Variants in LRRC63 observed in about 807,000 individuals in gnomAD.
The protein encoded by LRRC63 is leucine-rich repeat-containing protein 63.
Under a neutral mutation model 49.5 loss-of-function variants are expected in LRRC63, and 40 were observed. That is an observed-to-expected ratio of 0.81 (90% CI 0.63 to 1.05). LRRC63 has a LOEUF of 1.05. Among genes scored for constraint, LRRC63 ranks in the 50% least tolerant of loss-of-function variants. The pLI, the probability that LRRC63 is intolerant of heterozygous loss-of-function variation, is 0.00. For synonymous variants in LRRC63, 191 were observed against 221.1 expected (o/e 0.86, Z 1.21); for missense variants, 636 against 663.1 (o/e 0.96, Z 0.45).
chr13:46,252,325 T>C (rs1023143745), intron 7 of LRRC63, among the ~76,000 whole-genome samples: 1 of 151,974 alleles, frequency 6.6e-6, no homozygotes, highest in African/African-American at 2.4e-5. Flanking sequence ...CTGAATTAAA[T>C]TGAGTGAAAT....
intron 9 of LRRC63, 126 bp downstream of exon 9, chr13:46,267,098 C>T (rs1438674102): frequency 2.2e-6 from 2 of 890,596 alleles, no homozygotes; most frequent in African/African-American, 1.7e-5. Flanking sequence ...CAAAACCATA[C>T]ACACAATTCT....
Position 46,228,056 on chromosome 13 carries a change from G to A in LRRC63, c.630G>A (p.Met210Ile), listed in dbSNP as rs996740788. The A allele has an allele frequency of 1.3e-5, 20 of 1,550,964 alleles. No individual in the cohort carries two copies. The African/African-American group carries it at 2.5e-4, about 19-fold the overall frequency. ...GCCCTCCACCTATGACTGTATCTAT[G>A]AAACCAGAAGGACAGTGGCCTGAAC... The change falls in exon 3 of 10, where the codon ATG becomes ATA. Residue 210 changes from methionine (M) to isoleucine (I), a missense_variant. Met to Ile is a conservative substitution (Grantham distance 10). Transcript: ENST00000595396.
chr13:46,269,419 A>T (rs886774907), intron 9 of LRRC63, among the ~76,000 whole-genome samples: 1 of 152,166 alleles, frequency 6.6e-6, no homozygotes, highest in African/African-American at 2.4e-5. Context: ...CAGTAGTGAA[A>T]GAATAGACTT....
intron 2 of LRRC63, among the ~76,000 whole-genome samples, chr13:46,219,447 C>T (rs1343320632): frequency 2.0e-5 from 3 of 152,144 alleles, no homozygotes; most frequent in Non-Finnish European, 4.4e-5. Context: ...ATTTTCAGCT[C>T]CATCAGTTCA....
intron 5 of LRRC63, among the ~76,000 whole-genome samples, chr13:46,243,856 A>G (rs188444874): frequency 1.3e-5 from 2 of 152,344 alleles, no homozygotes; most frequent in East Asian, 3.9e-4. Context: ...AACTATTTAA[A>G]CTTATAAACT....
intron 2 of LRRC63, among the ~76,000 whole-genome samples, chr13:46,225,352 C>T (rs949248046): frequency 6.6e-6 from 1 of 152,204 alleles, no homozygotes; most frequent in Non-Finnish European, 1.5e-5. Context: ...CTACTTAGAG[C>T]CTCAGTCAAG....
intron 9 of LRRC63, 94 bp downstream of exon 9, chr13:46,267,066 C>T: frequency 1.5e-5 from 17 of 1,149,854 alleles, no homozygotes; most frequent in Non-Finnish European, 2.0e-5. Context: ...CACTAACATG[C>T]ACACATACTC....
chr13:46,240,076 C>T (rs1350632293), intron 5 of LRRC63, among the ~76,000 whole-genome samples: 1 of 151,992 alleles, frequency 6.6e-6, no homozygotes, highest in Non-Finnish European at 1.5e-5. Context: ...GAAGCATTCC[C>T]CTTAAAAACT....
At chr13:46,267,045 G>A in intron 9 of LRRC63, 73 bp downstream of exon 9, 3 of 1,366,142 alleles carry the variant, frequency 2.2e-6, no homozygotes, top group Non-Finnish European at 2.9e-6. Context: ...TACAGGCTTA[G>A]ATGACAGTGT....
chr13:46,233,084 G>T (rs1398709789), intron 4 of LRRC63, among the ~76,000 whole-genome samples: 2 of 152,098 alleles, frequency 1.3e-5, no homozygotes, highest in Non-Finnish European at 2.9e-5. Flanking sequence ...TAACTTCCGG[G>T]TGTCTTCCAT....
chr13:46,236,096 G>A (rs1460806041), intron 5 of LRRC63, among the ~76,000 whole-genome samples: 1 of 151,654 alleles, frequency 6.6e-6, no homozygotes, highest in Admixed American at 6.6e-5. Context: ...TAGAAAATCG[G>A]TCAATTGAAA....
At chr13:46,251,463 A>G (rs1423992033) in intron 7 of LRRC63, among the ~76,000 whole-genome samples, 2 of 151,868 alleles carry the variant, frequency 1.3e-5, no homozygotes. Flanking sequence ...GGATTTTTCC[A>G]CAGTACATAA....
At chr13:46,263,160 T>A (rs987979011) in intron 8 of LRRC63, among the ~76,000 whole-genome samples, 1 of 134,614 alleles carries the variant, frequency 7.4e-6, no homozygotes, top group African/African-American at 2.9e-5. Flanking sequence ...TGTTCTCTTT[T>A]TAAATTTTTG....
chr13:46,276,828 G>GTGTGTGTATATATATATATA (rs1175818781), exon 10 of LRRC63: 8 of 138,532 alleles, frequency 5.8e-5, no homozygotes, highest in African/African-American at 2.8e-4. Context: ...GTATGTGTGT[G>GTGTGTGTATATATATATATA]TATATATATA....
intron 9 of LRRC63, chr13:46,270,334 G>GT (rs749366508): frequency 1.2e-6 from 1 of 859,836 alleles, no homozygotes; most frequent in African/African-American, 1.6e-5. Context: ...GGAAATTTAA[G>GT]TGGGGGGCAC....
At chr13:46,241,370 CT>C (rs2047058233) in intron 5 of LRRC63, among the ~76,000 whole-genome samples, 1 of 152,002 alleles carries the variant, frequency 6.6e-6, no homozygotes, top group South Asian at 2.1e-4. Context: ...TATAAAAACC[CT>C]GGAAGACAAC....
At chr13:46,239,421 C>T (rs1313664301) in intron 5 of LRRC63, among the ~76,000 whole-genome samples, 2 of 152,088 alleles carry the variant, frequency 1.3e-5, no homozygotes, top group Non-Finnish European at 2.9e-5. Flanking sequence ...CATACATCCT[C>T]CCAAGACTGA....
intron 2 of LRRC63, among the ~76,000 whole-genome samples, chr13:46,215,677 A>G (rs1411100155): frequency 6.6e-6 from 1 of 152,096 alleles, no homozygotes; most frequent in African/African-American, 2.4e-5. Flanking sequence ...CGTTTTTGTC[A>G]TGAAGTCTTT....
chr13:46,262,927 G>A (rs2047635149), intron 8 of LRRC63, among the ~76,000 whole-genome samples: 1 of 152,064 alleles, frequency 6.6e-6, no homozygotes, highest in Admixed American at 6.6e-5. Context: ...TCCTAGGAAC[G>A]TAATCTTCCA....
Sources: allele counts gnomAD v4.1 joint callset (sites outside exome capture counted in the v4.1 genomes callset), GRCh38; gene constraint gnomAD v4.1.1; transcripts MANE v1.5; gene names NCBI Gene and HGNC (gene_info 2026-07-23, HGNC 2026-07-21).